Variants in C12orf54 observed in about 807,000 individuals in gnomAD.
C12orf54 encodes the protein chromosome 12 open reading frame 54, also known as uncharacterized protein C12orf54.
In C12orf54, 24 loss-of-function variants were observed where a neutral mutation model predicts 26.4. The ratio of observed to expected loss-of-function variants is 0.91; its 90% CI spans 0.66 to 1.28. The LOEUF is 1.28. Ranked by LOEUF, C12orf54 falls within the 50% of genes most tolerant of loss-of-function variation. The pLI is 0.00. For synonymous variants in C12orf54, 54 were observed against 47.0 expected, an observed-to-expected ratio of 1.15 and a Z score of -0.61; for missense variants, 154 against 150.9, an observed-to-expected ratio of 1.02 and a Z score of -0.11.
intron 6 of C12orf54, among the ~76,000 whole-genome samples, chr12:48,491,741 T>C (rs1231290433): frequency 6.6e-6 from 1 of 152,148 alleles, no homozygotes; most frequent in Non-Finnish European, 1.5e-5. Flanking sequence ...CCCAGGAGCC[T>C]AGAATTATAG....
chr12:48,468,207 G>A, the C12orf54 span, among the ~76,000 whole-genome samples: 1 of 152,210 alleles, frequency 6.6e-6, no homozygotes, highest in Admixed American at 6.5e-5. Context: ...AGGGCAAGTG[G>A]TGGCAGCTGC....
the C12orf54 span, among the ~76,000 whole-genome samples, chr12:48,456,669 T>C: frequency 1.3e-5 from 2 of 152,360 alleles, no homozygotes; most frequent in African/African-American, 4.8e-5. Context: ...GTTGTGAGGA[T>C]GAAATGAGAT....
At chr12:48,438,309 G>A in the C12orf54 span, among the ~76,000 whole-genome samples, 2 of 152,158 alleles carry the variant, frequency 1.3e-5, no homozygotes, top group Non-Finnish European at 2.9e-5. Context: ...AATCAATATC[G>A]TGAAAATGGC....
chr12:48,415,462 GTTCTT>G, the C12orf54 span, among the ~76,000 whole-genome samples: 1 of 152,142 alleles, frequency 6.6e-6, no homozygotes, highest in Non-Finnish European at 1.5e-5. Flanking sequence ...TAGCTTTTCT[GTTCTT>G]TTCTTATTTG....
chr12:48,488,592 C>T, intron 4 of C12orf54: 1 of 395,290 alleles, frequency 2.5e-6, no homozygotes, highest in East Asian at 5.9e-5. Flanking sequence ...GATTTGAATA[C>T]CTATGCTAAG....
chr12:48,450,949 G>T, the C12orf54 span, among the ~76,000 whole-genome samples: 1 of 152,024 alleles, frequency 6.6e-6, no homozygotes, highest in Non-Finnish European at 1.5e-5. Context: ...AAAATGGAAA[G>T]GGAGGGACTC....
At chr12:48,473,492 G>GCC in the C12orf54 span, 1 of 416,356 alleles carries the variant, frequency 2.4e-6, no homozygotes, top group South Asian at 2.3e-5. Flanking sequence ...CTCCAATCCT[G>GCC]CCCCCTGAAA....
At chr12:48,418,470 A>C in the C12orf54 span, among the ~76,000 whole-genome samples, 2 of 152,150 alleles carry the variant, frequency 1.3e-5, no homozygotes, top group Non-Finnish European at 2.9e-5. Flanking sequence ...TTTATGTCAG[A>C]CATGTGAGGG....
At chr12:48,451,981 C>G in the C12orf54 span, among the ~76,000 whole-genome samples, 3 of 152,096 alleles carry the variant, frequency 2.0e-5, no homozygotes, top group Non-Finnish European at 4.4e-5. Context: ...TTAGAAAAAC[C>G]TATTTTAAAA....
intron 4 of C12orf54, among the ~76,000 whole-genome samples, chr12:48,487,591 A>G (rs1016533903): frequency 2.0e-5 from 3 of 152,234 alleles, no homozygotes; most frequent in African/African-American, 7.2e-5. Context: ...AAGAGTCAAA[A>G]GACCATCCTG....
chr12:48,415,284 T>A, the C12orf54 span, among the ~76,000 whole-genome samples: 1 of 152,224 alleles, frequency 6.6e-6, no homozygotes, highest in Non-Finnish European at 1.5e-5. Flanking sequence ...AACATACTGC[T>A]TTATTTTCTC....
At chr12:48,495,690 T>C (rs1308946030) in intron 8 of C12orf54, 1 of 152,554 alleles carries the variant, frequency 6.6e-6, no homozygotes, top group African/African-American at 2.4e-5. Context: ...CAATCTGAGT[T>C]ATAGGTGATG....
chr12:48,415,292 C>G, the C12orf54 span, among the ~76,000 whole-genome samples: 2 of 152,212 alleles, frequency 1.3e-5, no homozygotes, highest in Non-Finnish European at 1.5e-5. Context: ...GCTTTATTTT[C>G]TCAATCTCCT....
chr12:48,437,049 TA>T, the C12orf54 span, among the ~76,000 whole-genome samples: 1 of 151,718 alleles, frequency 6.6e-6, no homozygotes, highest in Non-Finnish European at 1.5e-5. Flanking sequence ...ATAGATGCAA[TA>T]AAAAATGACA....
At chr12:48,478,582 C>A (rs543406048), upstream of C12orf54, among the ~76,000 whole-genome samples, 1 of 152,224 alleles carries the variant, frequency 6.6e-6, no homozygotes. Context: ...ACAAAAATCA[C>A]AAGCATTCTT....
chr12:48,487,221 G>C (rs1410368141), intron 4 of C12orf54, among the ~76,000 whole-genome samples: 2 of 152,154 alleles, frequency 1.3e-5, no homozygotes, highest in Non-Finnish European at 2.9e-5. Flanking sequence ...ATAAATACCA[G>C]CTACTTCAAC....
the C12orf54 span, among the ~76,000 whole-genome samples, chr12:48,417,977 T>C: frequency 6.6e-6 from 1 of 152,136 alleles, no homozygotes; most frequent in Admixed American, 6.5e-5. Context: ...CTGTATCCAA[T>C]CCAGCGTTGA....
At chr12:48,453,382 G>C in the C12orf54 span, among the ~76,000 whole-genome samples, 2 of 151,472 alleles carry the variant, frequency 1.3e-5, no homozygotes, top group Non-Finnish European at 2.9e-5. Context: ...AGAATGGCTA[G>C]TGGATGCTGA....
At chr12:48,489,012 C>T in intron 5 of C12orf54, 56 bp downstream of exon 5, 1 of 1,536,282 alleles carries the variant, frequency 6.5e-7, no homozygotes, top group Non-Finnish European at 9.0e-7. Flanking sequence ...GCCTTGATCC[C>T]ATTTTTTTTC....
Sources: gnomAD v4.1 joint callset for allele counts (sites outside exome capture counted in the v4.1 genomes callset) on GRCh38, gnomAD v4.1.1 for gene constraint, MANE v1.5 for transcripts, NCBI Gene and HGNC (gene_info 2026-07-23, HGNC 2026-07-21) for gene names.